Variants in PRIM2 observed in about 807,000 individuals in gnomAD.
The protein encoded by PRIM2 is DNA primase large subunit.
A neutral mutation model predicts 67.3 loss-of-function variants in PRIM2; 39 were observed. The observed-to-expected ratio is 0.58, with a 90% CI of 0.45 to 0.76. The LOEUF is 0.76. Ranked by LOEUF, PRIM2 falls within the 30% of genes least tolerant of loss-of-function variation. The pLI is 0.00. For synonymous variants in PRIM2, 143 were observed against 198.7 expected (o/e 0.72, Z 2.36); for missense variants, 398 against 598.7 (o/e 0.66, Z 3.50).
chr6:57,340,371 A>T (rs1156395036), intron 5 of PRIM2, among the ~76,000 whole-genome samples: 2 of 152,186 alleles, frequency 1.3e-5, no homozygotes, highest in African/African-American at 4.8e-5. Context: ...TACCCAAAGG[A>T]CTATAAATCA....
chr6:57,418,383 GTTTTTTTTTTTTTTTTTTTTT>G (rs34491627), intron 7 of PRIM2, among the ~76,000 whole-genome samples: 6 of 47,228 alleles, frequency 1.3e-4, no homozygotes, highest in Admixed American at 3.6e-4. Flanking sequence ...TATGTGTGTG[GTTTTTTTTTTTTTTTTTTTTT>G]TTTTTTTTTT....
chr6:57,267,666 T>C, the PRIM2 span, among the ~76,000 whole-genome samples: 3 of 151,574 alleles, frequency 2.0e-5, no homozygotes, highest in Non-Finnish European at 4.4e-5. Context: ...TCCAGCACTT[T>C]GGGAGGCGGA....
In PRIM2 at chr6:57,459,764, G is replaced by C. The variant is rs1475595087; in HGVS notation, c.694-47623G>C. Reference sequence around the variant, plus strand: ...TTAAGGCCTTGAGCTGGTGGGATGAGAGCCAGCCATGTTATCCAGGGTACT... The same window carrying C: ...TTAAGGCCTTGAGCTGGTGGGATGACAGCCAGCCATGTTATCCAGGGTACT... On this transcript the variant is annotated intron_variant, in intron 7 of 13. Transcript: ENST00000615550. Among the ~76,000 whole-genome samples the C allele has an allele frequency of 3.3e-5, 5 of 152,268 alleles. No homozygotes were observed. In the East Asian group the frequency reaches 9.6e-4, roughly 29 times the overall value.
At chr6:57,421,439 GCT>G (rs2127372005) in intron 7 of PRIM2, among the ~76,000 whole-genome samples, 1 of 152,266 alleles carries the variant, frequency 6.6e-6, no homozygotes, top group African/African-American at 2.4e-5. Context: ...TGAAGCAACA[GCT>G]CTCTAGTATG....
chr6:57,571,117 C>G (rs1194718992), intron 10 of PRIM2, among the ~76,000 whole-genome samples: 1 of 152,024 alleles, frequency 6.6e-6, no homozygotes, highest in African/African-American at 2.4e-5. Context: ...ATTTTCTCAT[C>G]TTTTTTACCT....
At chr6:57,428,676 A>G (rs1771712561) in intron 7 of PRIM2, among the ~76,000 whole-genome samples, 1 of 152,140 alleles carries the variant, frequency 6.6e-6, no homozygotes, top group African/African-American at 2.4e-5. Flanking sequence ...TAACCTCTAA[A>G]TATGGTTCTC....
intron 7 of PRIM2, among the ~76,000 whole-genome samples, chr6:57,429,257 G>A (rs1156948235): frequency 2.0e-5 from 3 of 152,218 alleles, no homozygotes; most frequent in African/African-American, 4.8e-5. Flanking sequence ...TAGCCAAGGA[G>A]CAGGGTGGGA....
At chr6:57,222,721 G>A in the PRIM2 span, among the ~76,000 whole-genome samples, 1 of 152,106 alleles carries the variant, frequency 6.6e-6, no homozygotes, top group Non-Finnish European at 1.5e-5. Flanking sequence ...AAACGAAAAG[G>A]TTCCGCAAAA....
At chr6:57,418,647 G>A (rs13207640) in intron 7 of PRIM2, among the ~76,000 whole-genome samples, 29 of 151,706 alleles carry the variant, frequency 1.9e-4, no homozygotes, top group Non-Finnish European at 2.5e-4. Flanking sequence ...TGATCCACCC[G>A]CCTCGGCCTC....
At chr6:57,519,753 G>A (rs1440798552) in intron 8 of PRIM2, among the ~76,000 whole-genome samples, 7 of 152,284 alleles carry the variant, frequency 4.6e-5, no homozygotes, top group Admixed American at 2.0e-4. Flanking sequence ...GAAATCACAA[G>A]GGTATTGATT....
chr6:57,473,415 C>A (rs1773385845), intron 7 of PRIM2, among the ~76,000 whole-genome samples: 1 of 152,182 alleles, frequency 6.6e-6, no homozygotes, highest in Admixed American at 6.5e-5. Context: ...TGGTTCTTAA[C>A]CCCAGCTGTT....
At chr6:57,453,238 C>CTT (rs1772621117) in intron 7 of PRIM2, among the ~76,000 whole-genome samples, 1 of 152,120 alleles carries the variant, frequency 6.6e-6, no homozygotes, top group African/African-American at 2.4e-5. Context: ...CAGCTTTGTT[C>CTT]TTTTGGCTTA....
At chr6:57,428,061 A>T (rs1771690042) in intron 7 of PRIM2, among the ~76,000 whole-genome samples, 1 of 149,820 alleles carries the variant, frequency 6.7e-6, no homozygotes, top group South Asian at 2.1e-4. Flanking sequence ...AAACTGACTT[A>T]AAAAAAAAAT....
chr6:57,259,374 G>A, the PRIM2 span, among the ~76,000 whole-genome samples: 1 of 152,074 alleles, frequency 6.6e-6, no homozygotes, highest in African/African-American at 2.4e-5. Flanking sequence ...CTGGACATGT[G>A]TAAGAAGAAA....
At chr6:57,541,627 T>A (rs1775155840) in intron 10 of PRIM2, among the ~76,000 whole-genome samples, 1 of 152,162 alleles carries the variant, frequency 6.6e-6, no homozygotes, top group Admixed American at 6.5e-5. Flanking sequence ...CTATAATCTC[T>A]GCATTGTTCA....
the PRIM2 span, among the ~76,000 whole-genome samples, chr6:57,303,932 G>C: frequency 1.3e-5 from 2 of 152,114 alleles, no homozygotes; most frequent in Non-Finnish European, 2.9e-5. Flanking sequence ...TTTGCACCCC[G>C]CCCACTTCTG....
chr6:57,589,670 T>A (rs1333890312), intron 10 of PRIM2, among the ~76,000 whole-genome samples: 1 of 152,224 alleles, frequency 6.6e-6, no homozygotes, highest in Non-Finnish European at 1.5e-5. Context: ...GGGCTGTTTT[T>A]AGATGGACTA....
chr6:57,607,854 A>G (rs1201135265), intron 12 of PRIM2, among the ~76,000 whole-genome samples: 137 of 152,320 alleles, frequency 9.0e-4, no homozygotes, highest in African/African-American at 3.1e-3. Context: ...ATTTAGGACT[A>G]GAAATCTGAT....
intron 7 of PRIM2, among the ~76,000 whole-genome samples, chr6:57,448,582 A>G (rs1207868881): frequency 6.6e-6 from 1 of 152,070 alleles, no homozygotes; most frequent in Non-Finnish European, 1.5e-5. Context: ...ATAAATTGAT[A>G]CATGGAGGTT....
Sources: allele counts gnomAD v4.1 joint callset (sites outside exome capture counted in the v4.1 genomes callset), GRCh38; gene constraint gnomAD v4.1.1; transcripts MANE v1.5; gene names NCBI Gene and HGNC (gene_info 2026-07-23, HGNC 2026-07-21).